CFAP74: variants seen among roughly 807,000 people sequenced by gnomAD.
CFAP74 encodes the protein cilia and flagella associated protein 74.
In CFAP74, 124 loss-of-function variants were observed where a neutral mutation model predicts 188.9. That is an observed-to-expected ratio of 0.66 (90% CI 0.57 to 0.76). CFAP74 has a LOEUF of 0.76. Among genes scored for constraint, CFAP74 ranks in the 30% least tolerant of loss-of-function variants. The pLI is 0.00. For missense variants in CFAP74, 2,198 were observed against 2,165.2 expected (o/e 1.02, Z -0.30); for synonymous variants, 956 against 916.7 (o/e 1.04, Z -0.77).
Position 1,922,295 on chromosome 1 carries a change from C to G in CFAP74, c.4912G>C (p.Gly1638Arg), listed in dbSNP as rs1184814167. 3 of 1,608,294 alleles carry G rather than the reference C, an allele frequency of 1.9e-6. No individual in the cohort carries two copies. Among genetic ancestry groups the G allele is most frequent in the South Asian group, 2.2e-5 (2 of 90,536 alleles). The change falls in exon 39 of 39, where the codon GGC becomes CGC. Residue 1638 changes from glycine (G) to arginine (R), a missense_variant. By Grantham distance (125) the Gly-to-Arg change is moderately radical (BLOSUM62 -2). Transcript: ENST00000682832. ...GTGCTCTGTGCAGAGGCTTAGGGGC[C>G]AGTCAACACCTGGGCTACAAAGATG... ...KVIFVAQVLT[G>R]P
intron 14 of CFAP74, among the ~76,000 whole-genome samples, chr1:1,961,034 GAGAC>G (rs1293326983): frequency 2.6e-5 from 4 of 152,234 alleles, no homozygotes; most frequent in African/African-American, 9.6e-5. Context: ...TTAGAAATGA[GAGAC>G]AGGGCAGCTG....
Position 1,986,979 on chromosome 1 carries a change from GCCT to G in CFAP74, c.350_352del (p.Glu117del). ...CTCTGTGGCGATCTCGGCTGCCACA[GCCT>G]CCTGCTGCTTGTCGATCAGGTCCCG... On this transcript the variant is annotated inframe_deletion, in exon 5 of 39. Transcript: ENST00000682832. 1 of 1,601,784 alleles carries G rather than the reference GCCT, an allele frequency of 6.2e-7. No individual in the cohort carries two copies. Among genetic ancestry groups the G allele is most frequent in the Non-Finnish European group, 8.5e-7 (1 of 1,179,668 alleles).
In CFAP74 at chr1:1,950,998, C is replaced by T. The variant is rs80269157; in HGVS notation, c.2177-3944G>A. Among the ~76,000 whole-genome samples, 408 of 152,040 alleles carry T rather than the reference C, an allele frequency of 2.7e-3. 15 individuals carry two copies. In the East Asian group the frequency reaches 0.065, roughly 24 times the overall value. ...TAACTTTTGTTTACAGTGTGAGGAA[C>T]GAATTAAAGTTAAACTGGAGGGGGG... On this transcript the variant is annotated intron_variant, in intron 18 of 38. Transcript: ENST00000682832.
At position 1,960,027 on chromosome 1, in the gene CFAP74, A is replaced by G. The variant is rs375725514; in HGVS notation, c.1698T>C (p.Phe566=). ...CGGCTGACAGGGGGCCAGGGGGGTC[A>G]AAGCTGCAGGACGTGACCCATAGCA... ...EHLRDFIHVD[F]DPPGPLSAGM... Residue 566 remains phenylalanine (F), a synonymous_variant, in exon 15 of 39, where the codon TTT becomes TTC. Coordinates refer to ENST00000682832, the MANE Select transcript of CFAP74 (RefSeq NM_001304360.2). The G allele has an allele frequency of 4.4e-6, 7 of 1,592,432 alleles. No individual in the cohort carries two copies. Among genetic ancestry groups the G allele is most frequent in the Admixed American group, 1.8e-5 (1 of 56,048 alleles).
intron 10 of CFAP74, among the ~76,000 whole-genome samples, chr1:1,970,372 A>G (rs1386749757): frequency 6.6e-6 from 1 of 151,980 alleles, no homozygotes; most frequent in African/African-American, 2.4e-5. Flanking sequence ...TCAGGACAGG[A>G]GCCGGAGGCT....
intron 18 of CFAP74, among the ~76,000 whole-genome samples, chr1:1,951,258 G>C (rs1036008705): frequency 1.3e-5 from 2 of 152,166 alleles, no homozygotes; most frequent in Admixed American, 1.3e-4. Flanking sequence ...TATGAGAACA[G>C]CATGGGGAAA....
chr1:1,962,493 A>T (rs1655161980), intron 14 of CFAP74, among the ~76,000 whole-genome samples: 1 of 151,660 alleles, frequency 6.6e-6, no homozygotes, highest in Non-Finnish European at 1.5e-5. Context: ...AAAAAAAAAA[A>T]AGTAAGTTAC....
At chr1:1,987,260 A>T (rs1262217034) in intron 4 of CFAP74, among the ~76,000 whole-genome samples, 1 of 152,208 alleles carries the variant, frequency 6.6e-6, no homozygotes, top group East Asian at 1.9e-4. Context: ...CCCGAAGGTG[A>T]CATGCTCCCC....
chr1:1,922,179 G>GACT lies in CFAP74; in HGVS notation c.*107_*108insAGT. The GACT allele has an allele frequency of 3.6e-6, 3 of 839,782 alleles. No individual in the cohort carries two copies. The highest frequency in any genetic ancestry group is 2.5e-5 in the East Asian group (1 of 39,870). The allele number at this position is 839,782 out of a possible 1,614,324, so 52.0% of individuals were successfully genotyped here. On this transcript the variant is annotated 3_prime_UTR_variant, in exon 39 of 39. Transcript: ENST00000682832. ...TGTGGAGGGCGGCCTATTGGAATCT[G>GACT]GCAGAGGATGGCCAGGTCCCAGGCT...
chr1:1,966,261 G>C, intron 12 of CFAP74, 110 bp downstream of exon 12: 1 of 1,075,108 alleles, frequency 9.3e-7, no homozygotes, highest in Non-Finnish European at 1.3e-6. Context: ...GGCACAGCCA[G>C]GAGAAGCCTC....
At chr1:1,970,027 C>T (rs887965233) in intron 10 of CFAP74, among the ~76,000 whole-genome samples, 4 of 152,132 alleles carry the variant, frequency 2.6e-5, no homozygotes, top group African/African-American at 7.2e-5. Context: ...GAGAGAGGGG[C>T]CTTGTAGGAA....
chr1:1,974,575 C>A (rs1022352401), intron 6 of CFAP74, among the ~76,000 whole-genome samples: 9 of 151,992 alleles, frequency 5.9e-5, no homozygotes, highest in Non-Finnish European at 1.3e-4. Context: ...ATCCCTGGTG[C>A]AAATTGACCG....
chr1:1,979,638 C>G (rs1443516994), intron 6 of CFAP74, among the ~76,000 whole-genome samples: 1 of 125,402 alleles, frequency 8.0e-6, no homozygotes, highest in Non-Finnish European at 1.8e-5. Context: ...GACGAGGCTG[C>G]GCAGAACACG....
At chr1:1,998,564 T>C (rs80136560) in intron 1 of CFAP74, among the ~76,000 whole-genome samples, 8,753 of 152,152 alleles carry the variant, frequency 0.058, 662 homozygotes, top group African/African-American at 0.17. Context: ...ATAATAAAAG[T>C]TTTTTCTAAA....
intron 6 of CFAP74, among the ~76,000 whole-genome samples, chr1:1,976,137 G>A (rs563662156): frequency 1.5e-4 from 23 of 152,152 alleles, no homozygotes; most frequent in South Asian, 4.1e-4. Context: ...TCGCCCCCAC[G>A]AGGGCAGGGC....
In CFAP74 at chr1:1,989,317, G is replaced by A. The variant is rs960567128; in HGVS notation, c.68-344C>T. Among the ~76,000 whole-genome samples, 7 of 152,362 alleles carry A rather than the reference G, an allele frequency of 4.6e-5. No homozygotes were observed. In the East Asian group the frequency reaches 1.2e-3, roughly 25 times the overall value. On this transcript the variant is annotated intron_variant, in intron 2 of 38. Coordinates refer to ENST00000682832, the MANE Select transcript of CFAP74 (RefSeq NM_001304360.2). Reference sequence around the variant, plus strand: ...CGCAGCTGTGTGTGTGGGAGCCGCCGGACTAACCAGCCAGGACAGGGCGGA... The same window carrying A: ...CGCAGCTGTGTGTGTGGGAGCCGCCAGACTAACCAGCCAGGACAGGGCGGA...
intron 2 of CFAP74, among the ~76,000 whole-genome samples, chr1:1,989,523 T>C (rs13303020): frequency 0.63 from 95,442 of 152,140 alleles, 31,870 homozygotes; most frequent in African/African-American, 0.87. Flanking sequence ...TGCGGTGGCG[T>C]GATCTTGGCT....
Position 1,923,431 on chromosome 1 carries a change from G to T in CFAP74, c.4458C>A (p.Asp1486Glu), listed in dbSNP as rs1377048939. Reference protein sequence around the residue: ...CQHMMFVEGGDPLDVPVESLT... With the variant: ...CQHMMFVEGGEPLDVPVESLT... ...GAGACTCCACGGGCACGTCCAGGGG[G>T]TCGCCGCCCTCCACGAACATCATGT... Residue 1486 changes from aspartate (D) to glutamate (E), a missense_variant, in exon 36 of 39, where the codon GAC becomes GAA. Asp to Glu is a conservative substitution (Grantham distance 45, BLOSUM62 2). Transcript: ENST00000682832. The surrounding 1 kb of genome is among the most constrained non-coding windows in gnomAD (Gnocchi z 6.3). 1.2e-6 allele frequency: 2 copies of T among 1,605,190 alleles called. No homozygotes were observed. Among genetic ancestry groups the T allele is most frequent in the Admixed American group, 1.7e-5 (1 of 58,644 alleles).
At chr1:1,947,559 C>A (rs1282737045) in intron 18 of CFAP74, among the ~76,000 whole-genome samples, 1 of 152,226 alleles carries the variant, frequency 6.6e-6, no homozygotes, top group African/African-American at 2.4e-5. Context: ...AGCAGCAAGG[C>A]CCCGGGTAGC....
Sources: allele counts gnomAD v4.1 joint callset (sites outside exome capture counted in the v4.1 genomes callset), GRCh38; gene constraint gnomAD v4.1.1; non-coding constraint Gnocchi (gnomAD v3.1); transcripts MANE v1.5; gene names NCBI Gene and HGNC (gene_info 2026-07-23, HGNC 2026-07-21).